The following KLRD1 variants were observed in gnomAD, a reference collection of about 807,000 sequenced individuals.
KLRD1 encodes natural killer cells antigen CD94.
A neutral mutation model predicts 22.6 loss-of-function variants in KLRD1; 21 were observed. That is an observed-to-expected ratio of 0.93 (90% CI 0.66 to 1.34). The LOEUF (loss-of-function observed/expected upper bound fraction) is 1.34, where lower values mean the gene tolerates loss of function less well. KLRD1 is among the 40% of genes most tolerant of loss of function. The pLI is 0.00. For synonymous variants in KLRD1, 59 were observed against 71.1 expected (o/e 0.83, Z 0.85); for missense variants, 183 against 208.6 (o/e 0.88, Z 0.76).
chr12:10,283,735 A>G (rs1389435916), intron 1 of KLRD1, among the ~76,000 whole-genome samples: 1 of 152,058 alleles, frequency 6.6e-6, no homozygotes, highest in Non-Finnish European at 1.5e-5. Context: ...CATGTGTTGC[A>G]GGAATCAGCA....
intron 5 of KLRD1, among the ~76,000 whole-genome samples, chr12:10,313,771 A>G (rs1045574045): frequency 6.6e-6 from 1 of 152,218 alleles, no homozygotes; most frequent in African/African-American, 2.4e-5. Context: ...GCAAAAAAAT[A>G]CTGATAACCA....
Position 10,254,994 on chromosome 12 carries a change from G to C in KLRD1, c.-101+28761G>C, listed in dbSNP as rs1459797428. 2.0e-5 allele frequency among the ~76,000 whole-genome samples: 3 copies of C among 149,002 alleles called. 1 individual carries two copies. The highest frequency in any genetic ancestry group is 4.5e-5 in the Non-Finnish European group (3 of 67,312). Reference sequence around the variant, plus strand: ...TGTGGCCTACAAGCACATGAAAAAAGCTCAACATCGCTGATCATTAGAAAA... The same window carrying C: ...TGTGGCCTACAAGCACATGAAAAAACCTCAACATCGCTGATCATTAGAAAA... On this transcript the variant is annotated intron_variant, in intron 1 of 5. Coordinates refer to the KLRD1 transcript ENST00000544747.
chr12:10,309,568 A>G, intron 2 of KLRD1, 58 bp from the exon 3 acceptor site: 1 of 1,351,846 alleles, frequency 7.4e-7, no homozygotes, highest in Non-Finnish European at 1.1e-6. Context: ...AATGTGTAAT[A>G]TTTTAGTATT....
intron 1 of KLRD1, among the ~76,000 whole-genome samples, chr12:10,262,046 A>G (rs1295068063): frequency 6.6e-6 from 1 of 152,116 alleles, no homozygotes; most frequent in Non-Finnish European, 1.5e-5. Context: ...TTAAAATCTA[A>G]AATCATTTTA....
At chr12:10,302,304 T>G (rs1460593537), upstream of KLRD1, among the ~76,000 whole-genome samples, 5 of 152,218 alleles carry the variant, frequency 3.3e-5, no homozygotes, top group Admixed American at 3.3e-4. Context: ...TGTTCTCATC[T>G]ATACAGAACG....
At chr12:10,256,117 T>C (rs1334558992) in intron 1 of KLRD1, among the ~76,000 whole-genome samples, 1 of 152,054 alleles carries the variant, frequency 6.6e-6, no homozygotes, top group African/African-American at 2.4e-5. Context: ...TATCTGACAT[T>C]AGTATGGCCA....
At position 10,329,501 on chromosome 12, in the gene KLRD1, C is replaced by T. The variant is rs980718999; in HGVS notation, c.*14708C>T. 3.9e-5 allele frequency: 6 copies of T among 152,254 alleles called. No individual in the cohort carries two copies. The highest frequency in any genetic ancestry group is 1.4e-4 in the African/African-American group (6 of 41,440). 9.4% of individuals were successfully genotyped at this position (152,254 alleles called of 1,614,324 possible). ...CTGCTGTTGGATGGAATGTTCTGCA[C>T]ATGTCTGTAGGTGACTTGACTTGCA... On this transcript the variant is annotated 3_prime_UTR_variant, in exon 6 of 6. Coordinates refer to ENST00000336164, the MANE Select transcript of KLRD1 (RefSeq NM_002262.5).
At chr12:10,281,706 A>C (rs1949645216) in intron 1 of KLRD1, among the ~76,000 whole-genome samples, 2 of 152,254 alleles carry the variant, frequency 1.3e-5, no homozygotes, top group South Asian at 4.1e-4. Context: ...AGCTTTGCAT[A>C]AAATTCAAAA....
rs1054816631 is a variant in KLRD1, at chr12:10,323,823, A to G, written c.*9030A>G. ...TTTTTATACTCATCTATGTTGATAC[A>G]TGTATCAATAGTTAATTCCCTTTTA... is the stretch of plus-strand genomic sequence containing the variant. On this transcript the variant is annotated 3_prime_UTR_variant, in exon 6 of 6. Transcript: ENST00000336164. The G allele has an allele frequency of 2.7e-5, 4 of 148,924 alleles. No individual in the cohort carries two copies. The highest frequency in any genetic ancestry group is 9.9e-5 in the African/African-American group (4 of 40,602). The allele number at this position is 148,924 out of a possible 1,614,324, so 9.2% of individuals were successfully genotyped here.
At chr12:10,266,085 G>A (rs74062150) in intron 1 of KLRD1, among the ~76,000 whole-genome samples, 2,212 of 151,928 alleles carry the variant, frequency 0.015, 43 homozygotes, top group African/African-American at 0.05. Flanking sequence ...CTTCTTTCTT[G>A]TTTCCATAGC....
chr12:10,318,214 C>A lies in KLRD1; in HGVS notation c.*3421C>A, dbSNP rs941632257. 1 of 152,172 alleles carries A rather than the reference C, an allele frequency of 6.6e-6. No homozygotes were observed. The highest frequency in any genetic ancestry group is 6.5e-5 in the Admixed American group (1 of 15,268). The allele number at this position is 152,172 out of a possible 1,614,324, so 9.4% of individuals were successfully genotyped here. A position where few individuals can be genotyped will look rare whatever the true frequency, so the allele number is the denominator to read the frequency against. ...GATGCCTAGGTGTCTGTTTTTGACTCTTGGCCATGATATGGGTAGTAGGCT... is the reference window on the plus strand; with the variant it reads ...GATGCCTAGGTGTCTGTTTTTGACTATTGGCCATGATATGGGTAGTAGGCT... On this transcript the variant is annotated 3_prime_UTR_variant, in exon 6 of 6. Coordinates refer to ENST00000336164, the MANE Select transcript of KLRD1 (RefSeq NM_002262.5).
intron 1 of KLRD1, among the ~76,000 whole-genome samples, chr12:10,271,797 TAAGA>T (rs1187315408): frequency 6.6e-6 from 1 of 152,070 alleles, no homozygotes; most frequent in East Asian, 1.9e-4. Context: ...TTTATAATCA[TAAGA>T]AAGTTTTAAA....
intron 1 of KLRD1, among the ~76,000 whole-genome samples, chr12:10,257,247 G>A (rs576387038): frequency 7.5e-5 from 11 of 147,096 alleles, no homozygotes; most frequent in African/African-American, 2.8e-4. Flanking sequence ...ACTTCATTAA[G>A]CTTTTTGGAT....
At chr12:10,250,009 T>C (rs1457753294) in intron 1 of KLRD1, among the ~76,000 whole-genome samples, 2 of 152,134 alleles carry the variant, frequency 1.3e-5, no homozygotes, top group African/African-American at 4.8e-5. Context: ...TCGAAGACCA[T>C]TAGGATCACT....
At chr12:10,257,897 A>T (rs930587649) in intron 1 of KLRD1, among the ~76,000 whole-genome samples, 1 of 151,932 alleles carries the variant, frequency 6.6e-6, no homozygotes, top group Admixed American at 6.6e-5. Context: ...TGTGTACTGT[A>T]GGTCTTGGGA....
intron 1 of KLRD1, among the ~76,000 whole-genome samples, chr12:10,299,335 A>G (rs1305166860): frequency 6.6e-6 from 1 of 152,192 alleles, no homozygotes; most frequent in African/African-American, 2.4e-5. Flanking sequence ...CCAGATAATG[A>G]TAAGAAAACT....
intron 1 of KLRD1, among the ~76,000 whole-genome samples, chr12:10,289,239 C>G (rs1949741774): frequency 6.6e-6 from 1 of 152,174 alleles, no homozygotes; most frequent in South Asian, 2.1e-4. Context: ...AAACTTGTTT[C>G]CAGCCACATA....
chr12:10,269,499 C>T lies in KLRD1; in HGVS notation c.-100-38479C>T, dbSNP rs1048930663. Among the ~76,000 whole-genome samples the T allele has an allele frequency of 6.6e-5, 10 of 152,088 alleles. No individual in the cohort carries two copies. In the South Asian group the frequency reaches 1.2e-3, roughly 19 times the overall value. ...TCAGCCAGGTATCTATTTGGAGGCA[C>T]GTCTTTGATTAGCTTACTTATTTTG... On this transcript the variant is annotated intron_variant, in intron 1 of 5. Coordinates refer to the KLRD1 transcript ENST00000544747.
chr12:10,283,727 T>C (rs902517629), intron 1 of KLRD1, among the ~76,000 whole-genome samples: 5 of 151,890 alleles, frequency 3.3e-5, no homozygotes, highest in Non-Finnish European at 5.9e-5. Context: ...TGGTGAAACA[T>C]GTGTTGCAGG....
Sources: gnomAD v4.1 joint callset for allele counts (sites outside exome capture counted in the v4.1 genomes callset) on GRCh38, gnomAD v4.1.1 for gene constraint, MANE v1.5 for transcripts, NCBI Gene and HGNC (gene_info 2026-07-23, HGNC 2026-07-21) for gene names.